EMC1: variants seen among roughly 807,000 people sequenced by gnomAD.
EMC1 encodes ER membrane protein complex subunit 1, also known as KIAA0090.
EMC1 carries 103 observed loss-of-function variants against 128.8 expected under a neutral mutation model. The observed-to-expected ratio is 0.80, with a 90% CI of 0.68 to 0.94. EMC1 has a LOEUF of 0.94. EMC1 is among the 40% of genes least tolerant of loss of function. EMC1 has a pLI of 0.00. For synonymous variants in EMC1, 442 were observed against 490.4 expected, an observed-to-expected ratio of 0.90 and a Z score of 1.30; for missense variants, 1,083 against 1,250.6, an observed-to-expected ratio of 0.87 and a Z score of 2.02.
Position 19,244,897 on chromosome 1 carries a change from T to C in EMC1, c.220+9A>G. 7 of 1,613,322 alleles carry C rather than the reference T, an allele frequency of 4.3e-6. No individual in the cohort carries two copies. Among genetic ancestry groups the C allele is most frequent in the Non-Finnish European group, 5.9e-6 (7 of 1,179,472 alleles). On this transcript the variant is annotated intron_variant, in intron 2 of 22. Transcript: ENST00000477853. ...GGCAGCCAGTAGACACAGTTCTCAG[T>C]TCACTCACAGATCTCCCCAGTTCGG...
chr1:19,251,458 G>A lies in EMC1; in HGVS notation c.52C>T (p.Pro18Ser). Residue 18 changes from proline (P) to serine (S), a missense_variant, in exon 1 of 23, where the codon CCT becomes TCT. Physicochemically the swap from Pro to Ser is moderately conservative, Grantham distance 74. This residue lies in a region of EMC1 where 544 missense variants were observed against 572.4 expected (regional missense o/e 0.95). Transcript: ENST00000477853. Reference sequence around the variant, plus strand: ...TGGTCTTCGTAGACCGCGGCCGCAGGAATCAGCAGCGTAGCCCAAAGCCAG... The same window carrying A: ...TGGTCTTCGTAGACCGCGGCCGCAGAAATCAGCAGCGTAGCCCAAAGCCAG... The part of the protein sequence containing the change: ...RFWLWATLLI[P>S]AAAVYEDQVG... 5 of 1,614,174 alleles carry A rather than the reference G, an allele frequency of 3.1e-6. No homozygotes were observed. Among genetic ancestry groups the A allele is most frequent in the Non-Finnish European group, 4.2e-6 (5 of 1,180,042 alleles).
Position 19,239,319 on chromosome 1 carries a change from G to T in EMC1, c.955-17C>A. The T allele has an allele frequency of 1.2e-6, 2 of 1,612,746 alleles. No homozygotes were observed. The highest frequency in any genetic ancestry group is 1.7e-6 in the Non-Finnish European group (2 of 1,178,846). ...TAGGGCAGTCTGGGGGAAAAGCAAG[G>T]CATCAGCTCCTAAATGGGACCAGTA... On this transcript the variant is annotated splice_polypyrimidine_tract_variant and intron_variant, in intron 8 of 22. Coordinates refer to ENST00000477853, the MANE Select transcript of EMC1 (RefSeq NM_015047.3).
At chr1:19,231,185 C>T (rs868124319) in intron 16 of EMC1, 76 bp downstream of exon 16, 23 of 1,482,328 alleles carry the variant, frequency 1.6e-5, no homozygotes, top group Middle Eastern at 2.2e-4. Context: ...ACTCCATCTC[C>T]GGGCCGCTGT....
chr1:19,247,740 C>A (rs892107135), intron 1 of EMC1, among the ~76,000 whole-genome samples: 1 of 152,140 alleles, frequency 6.6e-6, no homozygotes, highest in Non-Finnish European at 1.5e-5. Context: ...AAGAGGTATT[C>A]CAAGCTGGCC....
intron 1 of EMC1, among the ~76,000 whole-genome samples, chr1:19,248,546 A>G (rs1327873500): frequency 6.6e-6 from 1 of 152,166 alleles, no homozygotes; most frequent in African/African-American, 2.4e-5. Context: ...CAGCCTCCCA[A>G]GTAGCTGGGA....
At chr1:19,247,536 G>A (rs2093637139) in intron 1 of EMC1, among the ~76,000 whole-genome samples, 1 of 152,146 alleles carries the variant, frequency 6.6e-6, no homozygotes, top group Non-Finnish European at 1.5e-5. Flanking sequence ...TTGCGGTGAA[G>A]GTGGTGTAAA....
At chr1:19,245,906 C>T (rs1572032218) in intron 1 of EMC1, among the ~76,000 whole-genome samples, 1 of 151,852 alleles carries the variant, frequency 6.6e-6, no homozygotes, top group African/African-American at 2.4e-5. Context: ...GGATTACAGG[C>T]GTGAGTCACC....
rs2093612218 is a variant in EMC1 at position 19,242,470 on chromosome 1, G to A, written c.384C>T (p.Phe128=). ...NWEITLDSGS[F]QALGLVGLQE... is the part of the protein sequence containing the mutation. ...GCAGGCCAACCAGCCCAAGTGCCTG[G>A]AAACTGAACACAAGTACAGGTTGAG... is the stretch of plus-strand genomic sequence containing the variant. The change falls in exon 5 of 23, where the codon TTC becomes TTT. Residue 128 remains phenylalanine (F), a synonymous_variant. Coordinates refer to ENST00000477853, the MANE Select transcript of EMC1 (RefSeq NM_015047.3). 3 of 1,614,020 alleles carry A rather than the reference G, an allele frequency of 1.9e-6. No individual in the cohort carries two copies. Among genetic ancestry groups the A allele is most frequent in the African/African-American group, 2.7e-5 (2 of 74,928 alleles).
chr1:19,219,124 C>T lies in EMC1; in HGVS notation c.*179G>A. ...GTTCTGTCTCTCTCCATGTAGGATC[C>T]TTTCTGCATCATGTATATCCCAAAA... is the stretch of plus-strand genomic sequence containing the variant. On this transcript the variant is annotated 3_prime_UTR_variant, in exon 23 of 23. Coordinates refer to ENST00000477853, the MANE Select transcript of EMC1 (RefSeq NM_015047.3). 1.7e-6 allele frequency: 1 copy of T among 602,922 alleles called. No homozygotes were observed. The highest frequency in any genetic ancestry group is 2.9e-6 in the Non-Finnish European group (1 of 341,716). 37.3% of individuals were successfully genotyped at this position (602,922 alleles called of 1,614,324 possible).
At chr1:19,237,934 A>G in intron 11 of EMC1, 83 bp downstream of exon 11, 3 of 1,527,504 alleles carry the variant, frequency 2.0e-6, no homozygotes, top group Non-Finnish European at 2.6e-6. Flanking sequence ...TCCAAGCCCC[A>G]TGGCTAAGAC....
rs2093535281 is a variant in EMC1 at position 19,232,970 on chromosome 1, T to C, written c.1598A>G (p.Gln533Arg). 6.2e-7 allele frequency: 1 copy of C among 1,614,098 alleles called. No homozygotes were observed. Among genetic ancestry groups the C allele is most frequent in the Non-Finnish European group, 8.5e-7 (1 of 1,180,038 alleles). Residue 533 changes from glutamine (Q) to arginine (R), a missense_variant, in exon 14 of 23, where the codon CAG becomes CGG. Gln to Arg is a conservative substitution (Grantham distance 43). Coordinates refer to ENST00000477853, the MANE Select transcript of EMC1 (RefSeq NM_015047.3). ...DTLARDEFNL[Q>R]KMMVMVTASG... ...GGCTGTTACCATCACCATCATCTTC[T>C]GGAGGTTGAATTCATCTCTGGCCAG...
At chr1:19,239,412 C>G in intron 8 of EMC1, 110 bp from the exon 9 acceptor site, 3 of 915,294 alleles carry the variant, frequency 3.3e-6, no homozygotes, top group Non-Finnish European at 5.2e-6. Flanking sequence ...TGAAAGTGCT[C>G]CCCACTTTGG....
intron 7 of EMC1, 131 bp downstream of exon 7, chr1:19,240,166 A>C: frequency 7.8e-7 from 1 of 1,287,804 alleles, no homozygotes; most frequent in South Asian, 1.4e-5. Flanking sequence ...ACACCAGTTC[A>C]GCCAGAGGCC....
intron 13 of EMC1, 84 bp from the exon 14 acceptor site, chr1:19,233,219 G>C: frequency 8.2e-7 from 1 of 1,212,596 alleles, no homozygotes; most frequent in Non-Finnish European, 1.2e-6. Context: ...AGGGATCTCT[G>C]CCTCTCCTCT....
At chr1:19,238,314 G>A (rs1187560862) in intron 10 of EMC1, among the ~76,000 whole-genome samples, 175 bp from the exon 11 acceptor site, 1 of 152,226 alleles carries the variant, frequency 6.6e-6, no homozygotes, top group African/African-American at 2.4e-5. Flanking sequence ...CAGAAATAAG[G>A]TGCCTGAGTA....
In EMC1 at chr1:19,222,356, G is replaced by T. The variant is rs1488774819; in HGVS notation, c.2587+268C>A. ...GGAGGTTGAGGCTGCAGTGAGTCAT[G>T]ATCACACCACTGCACTCCAGCCTGG... On this transcript the variant is annotated intron_variant, in intron 20 of 22. Transcript: ENST00000477853. Among the ~76,000 whole-genome samples, 3 of 152,054 alleles carry T rather than the reference G, an allele frequency of 2.0e-5. No individual in the cohort carries two copies. In the South Asian group the frequency reaches 6.2e-4, roughly 32 times the overall value.
At chr1:19,240,591 G>T in intron 6 of EMC1, 145 bp from the exon 7 acceptor site, 1 of 848,402 alleles carries the variant, frequency 1.2e-6, no homozygotes, top group Non-Finnish European at 1.8e-6. Context: ...AGTTCTTCCT[G>T]TCCCCTGAAA....
intron 12 of EMC1, among the ~76,000 whole-genome samples, 196 bp downstream of exon 12, chr1:19,236,946 C>T (rs1252116827): frequency 8.7e-6 from 1 of 115,178 alleles, no homozygotes; most frequent in East Asian, 2.6e-4. Flanking sequence ...CCAGCCTGGG[C>T]AAGAGAGCAA....
At chr1:19,240,901 A>G in intron 6 of EMC1, 115 bp downstream of exon 6, 4 of 1,168,806 alleles carry the variant, frequency 3.4e-6, no homozygotes, top group African/African-American at 1.5e-5. Flanking sequence ...AGAATGAGGG[A>G]GCATAAGTAG....
Sources: gnomAD v4.1 joint callset for allele counts (sites outside exome capture counted in the v4.1 genomes callset) on GRCh38, gnomAD v4.1.1 for gene constraint, gnomAD v4.1.1 regional missense constraint, MANE v1.5 for transcripts, NCBI Gene and HGNC (gene_info 2026-07-23, HGNC 2026-07-21) for gene names.